The following CNGB1 variants were observed in gnomAD, a reference collection of about 807,000 sequenced individuals.
The protein encoded by CNGB1 is cyclic nucleotide gated channel subunit beta 1, also known as cyclic nucleotide-gated channel beta-1.
In CNGB1, 126 loss-of-function variants were observed where a neutral mutation model predicts 151.7. The observed-to-expected ratio is 0.83, with a 90% CI of 0.72 to 0.96. The LOEUF (loss-of-function observed/expected upper bound fraction) is 0.96, where lower values mean the gene tolerates loss of function less well. CNGB1 is among the 40% of genes least tolerant of loss of function. CNGB1 has a pLI of 0.00. For synonymous variants in CNGB1, 623 were observed against 635.1 expected (o/e 0.98, Z 0.29); for missense variants, 1,698 against 1,627.0 (o/e 1.04, Z -0.75).
In CNGB1 at chr16:57,902,947, C is replaced by T. The variant is rs1279250824; in HGVS notation, c.2794+875G>A. 2.6e-5 allele frequency among the ~76,000 whole-genome samples: 4 copies of T among 152,114 alleles called. No homozygotes were observed. In the East Asian group the frequency reaches 5.8e-4, roughly 22 times the overall value. ...CCCAAGAGGTGCCCTACTATAATAT[C>T]GACTTTATAGATGAGCAAATGGCAG... On this transcript the variant is annotated intron_variant, in intron 27 of 32. Transcript: ENST00000251102.
chr16:57,949,474 C>T (rs1291224261), intron 13 of CNGB1, 35 bp from the exon 14 acceptor site: 1 of 1,612,660 alleles, frequency 6.2e-7, no homozygotes, highest in South Asian at 1.1e-5. Flanking sequence ...GTGAGCCCAC[C>T]CGAAGCTGCC....
chr16:57,960,804 A>G (rs373652876), intron 8 of CNGB1, 36 bp downstream of exon 8: 222 of 1,604,700 alleles, frequency 1.4e-4, no homozygotes, highest in Non-Finnish European at 1.8e-4. Flanking sequence ...GCCCCCCCAT[A>G]TACTCAACTC....
rs773823123 is a variant in CNGB1, at chr16:57,916,197, A to G, written c.2167-18T>C. 2.5e-6 allele frequency: 4 copies of G among 1,611,222 alleles called. No homozygotes were observed. Among genetic ancestry groups the G allele is most frequent in the Middle Eastern group, 1.7e-4 (1 of 6,056 alleles). ...TTGTCCGTCTGAAAGAAAGGGAATG[A>G]TGATGGTGAAATGACCTTACAGCTT... On this transcript the variant is annotated intron_variant, in intron 21 of 32. Transcript: ENST00000251102.
chr16:57,906,579 AGAACC>A, intron 25 of CNGB1, among the ~76,000 whole-genome samples: 1 of 152,306 alleles, frequency 6.6e-6, no homozygotes, highest in South Asian at 2.1e-4. Flanking sequence ...TGCAAGTTTC[AGAACC>A]CAAAACGGGC....
chr16:57,938,781 G>T (rs1374686799), intron 16 of CNGB1, among the ~76,000 whole-genome samples: 1 of 152,172 alleles, frequency 6.6e-6, no homozygotes, highest in Non-Finnish European at 1.5e-5. Context: ...CCGGCCAGGG[G>T]TTGGGTCCCA....
intron 32 of CNGB1, 104 bp from the exon 33 acceptor site, chr16:57,884,561 GCAGCGGAACACA>G: frequency 7.8e-7 from 1 of 1,280,658 alleles, no homozygotes; most frequent in South Asian, 1.2e-5. Context: ...CCCAAAGAGG[GCAGCGGAACACA>G]CAGCGGGTGA....
intron 25 of CNGB1, among the ~76,000 whole-genome samples, chr16:57,911,357 C>T (rs1206042179): frequency 3.3e-5 from 5 of 152,158 alleles, no homozygotes; most frequent in East Asian, 3.9e-4. Context: ...GGCACGATCT[C>T]GGCTCATTGC....
At chr16:57,962,401 G>A (rs1297039254) in intron 7 of CNGB1, among the ~76,000 whole-genome samples, 164 bp downstream of exon 7, 1 of 152,116 alleles carries the variant, frequency 6.6e-6, no homozygotes, top group Non-Finnish European at 1.5e-5. Context: ...AGCAGCACAC[G>A]GTCCACTGTC....
intron 17 of CNGB1, among the ~76,000 whole-genome samples, chr16:57,928,317 C>G (rs548475400): frequency 6.6e-6 from 1 of 152,316 alleles, no homozygotes; most frequent in African/African-American, 2.4e-5. Flanking sequence ...AGCGGAAGAC[C>G]AAACACGTGA....
In CNGB1 at chr16:57,911,889, A is replaced by G. The variant is rs765152738; in HGVS notation, c.2370-14T>C. The G allele has an allele frequency of 6.2e-7, 1 of 1,613,000 alleles. No homozygotes were observed. The highest frequency in any genetic ancestry group is 8.5e-7 in the Non-Finnish European group (1 of 1,179,342). On this transcript the variant is annotated splice_polypyrimidine_tract_variant and intron_variant, in intron 24 of 32. Transcript: ENST00000251102. ...GTCCTGATGACCCTGCAGAAGGAAC[A>G]CAGCGCATGAACACAGCGGCGGAAG...
At position 57,887,946 on chromosome 16, in the gene CNGB1, G is replaced by GC. The variant is rs1403536538; in HGVS notation, c.3370dup (p.Ala1124GlyfsTer169). 1.2e-6 allele frequency: 2 copies of GC among 1,614,186 alleles called. No homozygotes were observed. The highest frequency in any genetic ancestry group is 2.2e-5 in the South Asian group (2 of 91,088). The stretch of plus-strand genomic sequence containing the variant: ...GAGGTGAGCAAGTTTGCCGCCTTTT[G>GC]CCCCCTTGCCACCCATCTTTCCTGT... On this transcript the variant is annotated frameshift_variant, in exon 32 of 33. Coordinates refer to ENST00000251102, the MANE Select transcript of CNGB1 (RefSeq NM_001297.5). LOFTEE classifies it high-confidence loss of function.
chr16:57,904,987 C>T, intron 25 of CNGB1, 112 bp from the exon 26 acceptor site: 1 of 1,365,530 alleles, frequency 7.3e-7, no homozygotes, highest in South Asian at 1.2e-5. Flanking sequence ...AGACAGAAAC[C>T]CTTTACAGCT....
At position 57,923,234 on chromosome 16, in the gene CNGB1, G is replaced by C. The variant is rs247065; in HGVS notation, c.1643+39C>G. On this transcript the variant is annotated intron_variant, in intron 18 of 32. Coordinates refer to ENST00000251102, the MANE Select transcript of CNGB1 (RefSeq NM_001297.5). Reference sequence around the variant, plus strand: ...CCCCCCCACATCCCCCACCCTCCCCGCAGTCTTTCAATTTTCTGAGACCCC... The same window carrying C: ...CCCCCCCACATCCCCCACCCTCCCCCCAGTCTTTCAATTTTCTGAGACCCC... The C allele has an allele frequency of 0.59, 738,035 of 1,241,434 alleles. 222,892 individuals are homozygous for C. Among genetic ancestry groups the C allele is most frequent in the African/African-American group, 0.8 (52,777 of 66,236 alleles). The allele number at this position is 1,241,434 out of a possible 1,614,324, so 76.9% of individuals were successfully genotyped here.
intron 9 of CNGB1, 26 bp from the exon 10 acceptor site, chr16:57,960,091 A>G (rs1962203985): frequency 6.5e-7 from 1 of 1,539,850 alleles, no homozygotes; most frequent in Non-Finnish European, 8.7e-7. Context: ...AGCAGGAGCT[A>G]GAGACGCCAT....
Position 57,884,306 on chromosome 16 carries a change from A to G in CNGB1, c.3614T>C (p.Leu1205Pro). Residue 1205 changes from leucine to proline, a missense_variant, in exon 33 of 33, where the codon CTT becomes CCT. Leu to Pro is a moderately conservative substitution (Grantham distance 98). Transcript: ENST00000251102. Reference sequence around the variant, plus strand: ...CTCCTCCTCTCCCTCCGGCCTCCCAAGGGAGGCAGGCGGTGGAGAGCTCGG... The same window carrying G: ...CTCCTCCTCTCCCTCCGGCCTCCCAGGGGAGGCAGGCGGTGGAGAGCTCGG... ...SPPSSPPPAS[L>P]GRPEGEEEGP... 1 of 1,612,094 alleles carries G rather than the reference A, an allele frequency of 6.2e-7. No homozygotes were observed. Among genetic ancestry groups the G allele is most frequent in the South Asian group, 1.1e-5 (1 of 90,996 alleles).
At chr16:57,962,534 A>G in intron 7 of CNGB1, 31 bp downstream of exon 7, 1 of 1,607,166 alleles carries the variant, frequency 6.2e-7, no homozygotes, top group Non-Finnish European at 8.5e-7. Flanking sequence ...ACACATACAG[A>G]CAACAGTGAC....
chr16:57,960,587 CA>C (rs749978255), intron 8 of CNGB1, 57 bp from the exon 9 acceptor site: 27 of 1,583,850 alleles, frequency 1.7e-5, no homozygotes, highest in Non-Finnish European at 2.2e-5. Flanking sequence ...TGCGCTTCCC[CA>C]ACCGCCACTA....
chr16:57,959,057 T>A (rs956782650), intron 10 of CNGB1, among the ~76,000 whole-genome samples: 1 of 151,990 alleles, frequency 6.6e-6, no homozygotes, highest in South Asian at 2.1e-4. Context: ...CCAGCCTGTA[T>A]CCCATTTTAA....
At position 57,884,076 on chromosome 16, in the gene CNGB1, G is replaced by T; in HGVS notation, c.*88C>A. The T allele has an allele frequency of 6.3e-7, 1 of 1,582,336 alleles. No homozygotes were observed. The highest frequency in any genetic ancestry group is 8.7e-7 in the Non-Finnish European group (1 of 1,151,744). On this transcript the variant is annotated 3_prime_UTR_variant, in exon 33 of 33. Coordinates refer to ENST00000251102, the MANE Select transcript of CNGB1 (RefSeq NM_001297.5). Reference sequence around the variant, plus strand: ...AAAAGCATCTTCTCTTGAGCCGTGGGGGAAGGTGGGGCGCTGGGGCGCAGG... The same window carrying T: ...AAAAGCATCTTCTCTTGAGCCGTGGTGGAAGGTGGGGCGCTGGGGCGCAGG...
Sources: gnomAD v4.1 joint callset for allele counts (sites outside exome capture counted in the v4.1 genomes callset) on GRCh38, gnomAD v4.1.1 for gene constraint, MANE v1.5 for transcripts, NCBI Gene and HGNC (gene_info 2026-07-23, HGNC 2026-07-21) for gene names.